The following SYNE1 variants were observed in gnomAD, a reference collection of about 807,000 sequenced individuals.
SYNE1 encodes the protein spectrin repeat containing nuclear envelope protein 1, also known as nesprin-1.
SYNE1 carries 616 observed loss-of-function variants against 1,111.0 expected under a neutral mutation model. The observed-to-expected ratio is 0.55, with a 90% confidence interval of 0.52 to 0.59. The LOEUF (loss-of-function observed/expected upper bound fraction) is 0.59, where lower values mean the gene tolerates loss of function less well. Among genes scored for constraint, SYNE1 ranks in the 20% least tolerant of loss-of-function variants. The pLI, the probability that SYNE1 is intolerant of heterozygous loss-of-function variation, is 0.00. For synonymous variants in SYNE1, 3,855 were observed against 3,825.8 expected, an observed-to-expected ratio of 1.01 and a Z score of -0.28; for missense variants, 10,006 against 10,417.0, an observed-to-expected ratio of 0.96 and a Z score of 1.72.
chr6:152,365,934 G>A (rs2097068376), intron 62 of SYNE1, among the ~76,000 whole-genome samples: 1 of 152,124 alleles, frequency 6.6e-6, no homozygotes, highest in African/African-American at 2.4e-5. Flanking sequence ...CACACACTAC[G>A]CTGTTCTTTC....
intron 128 of SYNE1, among the ~76,000 whole-genome samples, chr6:152,187,257 C>A (rs181393043): frequency 3.9e-5 from 6 of 152,104 alleles, no homozygotes; most frequent in Non-Finnish European, 7.4e-5. Flanking sequence ...TGTTGGCCCA[C>A]GGATTGAGAA....
At position 152,145,751 on chromosome 6, in the gene SYNE1, A is replaced by G. The variant is rs2813488; in HGVS notation, c.24977-1986T>C. The G allele has an allele frequency of 0.59, 346,667 of 587,982 alleles. 103,458 individuals are homozygous for G. The highest frequency in any genetic ancestry group is 0.71 in the East Asian group (21,554 of 30,358). The allele number at this position is 587,982 out of a possible 1,614,324, so 36.4% of individuals were successfully genotyped here. On this transcript the variant is annotated intron_variant, in intron 137 of 145. Transcript: ENST00000367255. ...CATAAGAATTCACAGTGGGTGGGGC[A>G]TGGTGGCTCACGCCTGTAATCCCAG...
intron 67 of SYNE1, among the ~76,000 whole-genome samples, chr6:152,354,365 C>T (rs1370665174): frequency 1.3e-5 from 2 of 152,038 alleles, no homozygotes; most frequent in East Asian, 1.9e-4. Flanking sequence ...ATATCAGAAC[C>T]ATAAACTTAA....
chr6:152,582,337 T>A (rs1156981599), intron 3 of SYNE1, among the ~76,000 whole-genome samples: 1 of 152,112 alleles, frequency 6.6e-6, no homozygotes, highest in Non-Finnish European at 1.5e-5. Flanking sequence ...TCTCATAGTA[T>A]CTCTCACATC....
At position 152,413,357 on chromosome 6, in the gene SYNE1, A is replaced by C; in HGVS notation, c.6225T>G (p.His2075Gln). Reference sequence around the variant, plus strand: ...CTGGGTGGGTTTTGACTTACTTTTCATGAATTAGTCTTTTGGTATCATCCC... The same window carrying C: ...CTGGGTGGGTTTTGACTTACTTTTCCTGAATTAGTCTTTTGGTATCATCCC... Reference protein sequence around the residue: ...VTWDDTKRLIHENQGQCCGLI... With the variant: ...VTWDDTKRLIQENQGQCCGLI... The change falls in exon 42 of 146, where the codon CAT becomes CAG. Residue 2075 changes from histidine to glutamine, a missense_variant. His to Gln is a conservative substitution (Grantham distance 24). Around this residue, in one of 7 missense-constraint regions of SYNE1, gnomAD observed 4,955 missense variants for 5,017.2 expected, o/e 0.99. Coordinates refer to ENST00000367255, the MANE Select transcript of SYNE1 (RefSeq NM_182961.4). 2 of 1,614,148 alleles carry C rather than the reference A, an allele frequency of 1.2e-6. No homozygotes were observed. The highest frequency in any genetic ancestry group is 1.1e-5 in the South Asian group (1 of 91,078).
At chr6:152,469,327 T>G (rs2098791350) in intron 16 of SYNE1, among the ~76,000 whole-genome samples, 5 of 152,094 alleles carry the variant, frequency 3.3e-5, no homozygotes, top group Admixed American at 2.6e-4. Context: ...TTATTATTAT[T>G]ATTATCATCA....
chr6:152,532,788 C>T (rs2154360338), intron 4 of SYNE1, among the ~76,000 whole-genome samples: 1 of 152,154 alleles, frequency 6.6e-6, no homozygotes, highest in Middle Eastern at 3.4e-3. Context: ...ATTTCACAAG[C>T]TAAGAGATTG....
intron 92 of SYNE1, 85 bp downstream of exon 92, chr6:152,301,784 G>T: frequency 7.0e-7 from 1 of 1,428,532 alleles, no homozygotes; most frequent in Non-Finnish European, 9.4e-7. Context: ...GCTGGTCCCT[G>T]AAATCAGCCA....
At position 152,388,394 on chromosome 6, in the gene SYNE1, T is replaced by A. The variant is rs369637762; in HGVS notation, c.8178-1013A>T. On this transcript the variant is annotated intron_variant, in intron 53 of 145. Coordinates refer to ENST00000367255, the MANE Select transcript of SYNE1 (RefSeq NM_182961.4). ...TCCCGAGTAGCTGGGACTGCAAGTGTGTGCCACCACGCCTGGCTAATTTTT... is the reference window on the plus strand; with the variant it reads ...TCCCGAGTAGCTGGGACTGCAAGTGAGTGCCACCACGCCTGGCTAATTTTT... 4.3e-4 allele frequency among the ~76,000 whole-genome samples: 65 copies of A among 152,256 alleles called. 1 individual carries two copies. In the East Asian group the frequency reaches 0.011, roughly 27 times the overall value.
At chr6:152,582,213 T>C (rs916501026) in intron 3 of SYNE1, among the ~76,000 whole-genome samples, 15 of 152,148 alleles carry the variant, frequency 9.9e-5, no homozygotes, top group African/African-American at 3.4e-4. Flanking sequence ...TCAGCTCTTC[T>C]GTGGCAGCTG....
chr6:152,250,807 T>C (rs2088950048), intron 104 of SYNE1, among the ~76,000 whole-genome samples: 1 of 152,228 alleles, frequency 6.6e-6, no homozygotes, highest in Non-Finnish European at 1.5e-5. Flanking sequence ...TGCATTCACT[T>C]GAACAGAAGC....
intron 142 of SYNE1, 152 bp from the exon 143 acceptor site, chr6:152,133,640 G>A (rs972838149): frequency 3.9e-6 from 3 of 769,268 alleles, no homozygotes; most frequent in Admixed American, 2.2e-5. Context: ...AGCAGCTCAC[G>A]GCCTGAGTTC....
rs569541603 is a variant in SYNE1, at chr6:152,354,555, G to A, written c.10926+104C>T. The A allele has an allele frequency of 3.1e-4, 420 of 1,351,154 alleles. 2 individuals carry two copies. In the Middle Eastern group the frequency reaches 3.6e-3, roughly 12 times the overall value. 83.7% of individuals were successfully genotyped at this position (1,351,154 alleles called of 1,614,324 possible). The stretch of plus-strand genomic sequence containing the variant: ...CTTTCTAGGTAATCAAAAAGATTTT[G>A]CAAAGCCTAAGCTTTGGATAAAAGT... On this transcript the variant is annotated intron_variant, in intron 67 of 145. Coordinates refer to ENST00000367255, the MANE Select transcript of SYNE1 (RefSeq NM_182961.4).
intron 14 of SYNE1, among the ~76,000 whole-genome samples, chr6:152,474,404 C>T (rs2098823803): frequency 6.6e-6 from 1 of 151,584 alleles, no homozygotes; most frequent in South Asian, 2.1e-4. Flanking sequence ...ATAGACAAAT[C>T]CAGATTGTCC....
At chr6:152,189,714 C>T (rs1454502401) in intron 127 of SYNE1, among the ~76,000 whole-genome samples, 2 of 152,128 alleles carry the variant, frequency 1.3e-5, no homozygotes, top group African/African-American at 2.4e-5. Context: ...AATGTACATA[C>T]CTTAATTTAA....
At chr6:152,166,007 T>G (rs1258220840) in intron 130 of SYNE1, among the ~76,000 whole-genome samples, 1 of 152,226 alleles carries the variant, frequency 6.6e-6, no homozygotes, top group African/African-American at 2.4e-5. Context: ...AGGTCCGTCC[T>G]GCTTTTACAT....
chr6:152,256,821 C>T (rs889777963), intron 101 of SYNE1, 56 bp from the exon 102 acceptor site: 40 of 1,606,178 alleles, frequency 2.5e-5, no homozygotes, highest in Non-Finnish European at 3.2e-5. Context: ...TCCCAGTATT[C>T]TCATTTGGAA....
chr6:152,605,520 A>G (rs1465590439), intron 3 of SYNE1, among the ~76,000 whole-genome samples: 1 of 152,182 alleles, frequency 6.6e-6, no homozygotes, highest in Admixed American at 6.5e-5. Context: ...TTTATCAAAC[A>G]TATAAAAGTT....
chr6:152,401,198 C>T lies in SYNE1; in HGVS notation c.6969G>A (p.Val2323=), dbSNP rs140986546. ...INDITTWFTK[V]EESLMNCAQN... is the part of the protein sequence containing the mutation. ...GGGCACAGTTCATCAACGATTCTTC[C>T]ACTTTTGTGAACCATGTTGTTATGT... The change falls in exon 47 of 146, where the codon GTG becomes GTA. Residue 2323 remains valine, a synonymous_variant. Coordinates refer to ENST00000367255, the MANE Select transcript of SYNE1 (RefSeq NM_182961.4). 195 of 1,614,008 alleles carry T rather than the reference C, an allele frequency of 1.2e-4. 1 individual carries two copies. The highest frequency in any genetic ancestry group is 3.7e-5 in the Non-Finnish European group (44 of 1,180,022).
Sources: allele counts gnomAD v4.1 joint callset (sites outside exome capture counted in the v4.1 genomes callset), GRCh38; gene constraint gnomAD v4.1.1; regional missense constraint gnomAD v4.1.1; transcripts MANE v1.5; gene names NCBI Gene and HGNC (gene_info 2026-07-23, HGNC 2026-07-21).